AHCY: variants seen among roughly 807,000 people sequenced by gnomAD.
The protein encoded by AHCY is adenosylhomocysteinase, also known as S-adenosyl-L-homocysteine hydrolase.
AHCY carries 24 observed loss-of-function variants against 45.4 expected under a neutral mutation model. The ratio of observed to expected loss-of-function variants is 0.53; its 90% CI spans 0.38 to 0.74. AHCY has a LOEUF of 0.74. Among genes scored for constraint, AHCY ranks in the 30% least tolerant of loss-of-function variants. The pLI is 0.00. For synonymous variants in AHCY, 245 were observed against 235.1 expected (o/e 1.04, Z -0.39); for missense variants, 449 against 594.1 (o/e 0.76, Z 2.54).
chr20:34,299,534 T>C (rs1008531948), intron 1 of AHCY, among the ~76,000 whole-genome samples: 1 of 152,236 alleles, frequency 6.6e-6, no homozygotes. Flanking sequence ...TCCAGTCTTA[T>C]GGCTTTACAT....
chr20:34,265,537 A>G, the AHCY span, among the ~76,000 whole-genome samples: 1 of 152,022 alleles, frequency 6.6e-6, no homozygotes, highest in African/African-American at 2.4e-5. Context: ...GAAAAAAAGG[A>G]TTTTTGACTG....
chr20:34,269,298 G>A, the AHCY span: 1 of 1,179,696 alleles, frequency 8.5e-7, no homozygotes, highest in East Asian at 2.8e-5. Flanking sequence ...GGACTTCAGG[G>A]AGACCTGGCT....
chr20:34,262,746 C>G, the AHCY span: 10 of 1,495,748 alleles, frequency 6.7e-6, no homozygotes, highest in South Asian at 1.1e-5. Flanking sequence ...CTTGTGACTT[C>G]CCAAGCCCCC....
chr20:34,294,344 C>A (rs2036504008), intron 2 of AHCY, among the ~76,000 whole-genome samples, 188 bp from the exon 3 acceptor site: 1 of 152,162 alleles, frequency 6.6e-6, no homozygotes, highest in African/African-American at 2.4e-5. Context: ...CGAGATCCAA[C>A]TCAGGTTTTA....
the AHCY span, chr20:34,246,359 A>G: frequency 8.7e-6 from 13 of 1,499,266 alleles, no homozygotes; most frequent in African/African-American, 7.0e-5. Flanking sequence ...AAGTTCATTT[A>G]GAAAATTCTT....
the AHCY span, chr20:34,260,448 C>A: frequency 1.2e-6 from 2 of 1,614,172 alleles, no homozygotes; most frequent in Non-Finnish European, 8.5e-7. Context: ...AGCCACCTGC[C>A]ACCTGAGGAG....
chr20:34,303,362 G>C, upstream of AHCY: 3 of 1,521,204 alleles, frequency 2.0e-6, no homozygotes, highest in East Asian at 2.5e-5. Flanking sequence ...AGGGATATGC[G>C]CGTGGCGCCG....
intron 3 of AHCY, 147 bp downstream of exon 3, chr20:34,293,933 TC>T: frequency 1.2e-6 from 1 of 801,416 alleles, no homozygotes; most frequent in Non-Finnish European, 2.1e-6. Flanking sequence ...AGCAGCTCTT[TC>T]CTGTGGGGTC....
the AHCY span, among the ~76,000 whole-genome samples, chr20:34,239,044 AT>A: frequency 1.3e-5 from 2 of 152,094 alleles, no homozygotes; most frequent in East Asian, 3.9e-4. Context: ...CTGGCTAATT[AT>A]TTCTAAGGGA....
the AHCY span, among the ~76,000 whole-genome samples, chr20:34,243,738 C>T: frequency 6.8e-6 from 1 of 146,696 alleles, no homozygotes; most frequent in Non-Finnish European, 1.5e-5. Context: ...TAATACTTTA[C>T]ATTTTTCTAA....
At chr20:34,233,608 T>G in the AHCY span, among the ~76,000 whole-genome samples, 4 of 152,174 alleles carry the variant, frequency 2.6e-5, no homozygotes, top group East Asian at 7.7e-4. Context: ...GTTTTTTAAT[T>G]AAAAGTTTAT....
At chr20:34,253,130 C>T in the AHCY span, among the ~76,000 whole-genome samples, 1 of 150,004 alleles carries the variant, frequency 6.7e-6, no homozygotes, top group South Asian at 2.1e-4. Flanking sequence ...TTTTTTTAGA[C>T]GAAGTCTCGC....
At chr20:34,270,354 C>A in the AHCY span, among the ~76,000 whole-genome samples, 5 of 152,308 alleles carry the variant, frequency 3.3e-5, no homozygotes, top group African/African-American at 1.2e-4. Flanking sequence ...CACACACACC[C>A]CCACACAGGA....
intron 4 of AHCY, 70 bp from the exon 5 acceptor site, chr20:34,291,601 C>T: frequency 7.4e-7 from 1 of 1,346,380 alleles, no homozygotes; most frequent in Non-Finnish European, 1.1e-6. Context: ...CTCATCTTTA[C>T]CCCCTAAAGC....
the AHCY span, among the ~76,000 whole-genome samples, chr20:34,263,532 C>G: frequency 1.3e-4 from 20 of 151,930 alleles, no homozygotes; most frequent in Non-Finnish European, 2.4e-4. Context: ...TGCACTCCAG[C>G]CTGGTGACAA....
chr20:34,293,672 GA>G (rs2036477149), intron 3 of AHCY: 2 of 346,478 alleles, frequency 5.8e-6, no homozygotes, highest in South Asian at 4.6e-5. Context: ...CCCAGCCTGT[GA>G]AAACTCCATT....
At chr20:34,305,223 C>CTG (rs2036882789), upstream of AHCY, among the ~76,000 whole-genome samples, 1 of 151,578 alleles carries the variant, frequency 6.6e-6, no homozygotes, top group African/African-American at 2.4e-5. Context: ...ACTCGCAAGG[C>CTG]TGAGGCAGGA....
chr20:34,272,038 C>T, the AHCY span, among the ~76,000 whole-genome samples: 6 of 105,646 alleles, frequency 5.7e-5, no homozygotes, highest in Non-Finnish European at 1.1e-4. Flanking sequence ...GATTATACAA[C>T]GTGCCTCCAA....
At chr20:34,238,825 T>C in the AHCY span, among the ~76,000 whole-genome samples, 11 of 152,210 alleles carry the variant, frequency 7.2e-5, no homozygotes, top group Non-Finnish European at 1.5e-4. Flanking sequence ...GTTACTGTTT[T>C]TTGTTATTGT....
Sources: allele counts gnomAD v4.1 joint callset (sites outside exome capture counted in the v4.1 genomes callset), GRCh38; gene constraint gnomAD v4.1.1; transcripts MANE v1.5; gene names NCBI Gene and HGNC (gene_info 2026-07-23, HGNC 2026-07-21).